PBX1: variants seen among roughly 807,000 people sequenced by gnomAD.
PBX1 encodes pre-B-cell leukemia transcription factor 1.
A neutral mutation model predicts 53.4 loss-of-function variants in PBX1; 6 were observed. That is an observed-to-expected ratio of 0.11 (90% confidence interval 0.06 to 0.22). PBX1 has a LOEUF of 0.22. Among genes scored for constraint, PBX1 ranks in the 10% least tolerant of loss-of-function variants. The pLI is 1.00. For missense variants in PBX1, 251 were observed against 551.4 expected (o/e 0.46, Z 5.46); for synonymous variants, 204 against 212.3 (o/e 0.96, Z 0.34).
At chr1:164,755,854 GGCTCCTGATAA>G (rs1470061296) in intron 2 of PBX1, among the ~76,000 whole-genome samples, 1 of 151,948 alleles carries the variant, frequency 6.6e-6, no homozygotes, top group Non-Finnish European at 1.5e-5. Flanking sequence ...GTAACTCCCT[GGCTCCTGATAA>G]GCTGCCAACA....
intron 2 of PBX1, among the ~76,000 whole-genome samples, chr1:164,676,834 A>G (rs1038412371): frequency 6.6e-6 from 1 of 152,184 alleles, no homozygotes; most frequent in Non-Finnish European, 1.5e-5. Context: ...TCTGCTTTTA[A>G]ATGAATGTGC....
At chr1:164,586,435 G>A (rs1040367668) in intron 2 of PBX1, among the ~76,000 whole-genome samples, 3 of 152,270 alleles carry the variant, frequency 2.0e-5, no homozygotes, top group Non-Finnish European at 2.9e-5. Context: ...ATGTGGAGCA[G>A]CATTATGATG....
At chr1:164,626,046 C>A (rs556891702) in intron 2 of PBX1, 11 of 1,038,744 alleles carry the variant, frequency 1.1e-5, no homozygotes, top group African/African-American at 8.4e-5. Flanking sequence ...AACCCCGTTA[C>A]CCCCCAGCCC....
rs1652877954 is a variant in PBX1, at chr1:164,559,680, T to C, written c.-143T>C. 5.3e-6 allele frequency: 3 copies of C among 569,028 alleles called. No individual in the cohort carries two copies. The highest frequency in any genetic ancestry group is 8.7e-6 in the Non-Finnish European group (3 of 343,998). 35.2% of individuals were successfully genotyped at this position (569,028 alleles called of 1,614,324 possible). ...AGAGGCAAAGGGATTTTTTTTTTCTTTTGGTCTTCTTTTTTCCCCCTTCCC... is the reference window on the plus strand; with the variant it reads ...AGAGGCAAAGGGATTTTTTTTTTCTCTTGGTCTTCTTTTTTCCCCCTTCCC... On this transcript the variant is annotated 5_prime_UTR_variant, in exon 1 of 9. Coordinates refer to ENST00000420696, the MANE Select transcript of PBX1 (RefSeq NM_002585.4).
intron 2 of PBX1, among the ~76,000 whole-genome samples, chr1:164,623,143 C>T (rs192190026): frequency 5.9e-5 from 9 of 152,252 alleles, no homozygotes; most frequent in African/African-American, 2.2e-4. Flanking sequence ...GCTTTCCTTC[C>T]TTCTCTCTTC....
At chr1:164,574,481 C>T (rs1321060315) in intron 2 of PBX1, among the ~76,000 whole-genome samples, 1 of 152,172 alleles carries the variant, frequency 6.6e-6, no homozygotes, top group African/African-American at 2.4e-5. Flanking sequence ...CCTGCCAAAG[C>T]TTAGATTCCT....
At chr1:164,692,172 G>A (rs528238705) in intron 2 of PBX1, among the ~76,000 whole-genome samples, 5 of 152,328 alleles carry the variant, frequency 3.3e-5, no homozygotes, top group South Asian at 2.1e-4. Context: ...GAAATACAAA[G>A]TGTACGTAGA....
chr1:164,687,014 C>T (rs4657369), intron 2 of PBX1, among the ~76,000 whole-genome samples: 1 of 151,890 alleles, frequency 6.6e-6, no homozygotes, highest in African/African-American at 2.4e-5. Context: ...ATGCATTGAC[C>T]TTTCGTAATT....
At chr1:164,747,988 C>T (rs920268385) in intron 2 of PBX1, among the ~76,000 whole-genome samples, 3 of 152,040 alleles carry the variant, frequency 2.0e-5, no homozygotes, top group African/African-American at 7.3e-5. Flanking sequence ...CCAAGCAGTT[C>T]ATGAAAAGAG....
At chr1:164,602,806 G>T (rs1557885051) in intron 2 of PBX1, among the ~76,000 whole-genome samples, 2 of 152,034 alleles carry the variant, frequency 1.3e-5, no homozygotes, top group African/African-American at 4.8e-5. Flanking sequence ...ATTTCTCTTA[G>T]ATTTCTTTCT....
At chr1:164,707,041 A>G (rs972180567) in intron 2 of PBX1, among the ~76,000 whole-genome samples, 2 of 152,146 alleles carry the variant, frequency 1.3e-5, no homozygotes, top group African/African-American at 4.8e-5. Context: ...GTTGAAAGGG[A>G]CTGTGGGCTC....
intron 8 of PBX1, among the ~76,000 whole-genome samples, chr1:164,833,860 T>A (rs956628493): frequency 6.6e-6 from 1 of 151,960 alleles, no homozygotes. Flanking sequence ...ATCCAGAGAA[T>A]TTCTTCCACA....
At chr1:164,755,097 C>A (rs2102205421) in intron 2 of PBX1, among the ~76,000 whole-genome samples, 1 of 152,328 alleles carries the variant, frequency 6.6e-6, no homozygotes, top group Non-Finnish European at 1.5e-5. Context: ...GCTTCTCCAG[C>A]TACCCTAGAA....
Position 164,821,574 on chromosome 1 carries a change from G to T in PBX1, c.1148G>T (p.Gly383Val). 2.5e-6 allele frequency: 4 copies of T among 1,614,084 alleles called. No homozygotes were observed. Among genetic ancestry groups the T allele is most frequent in the Non-Finnish European group, 2.5e-6 (3 of 1,179,994 alleles). Residue 383 changes from glycine to valine, a missense_variant, in exon 8 of 9, where the codon GGA becomes GTA. By Grantham distance (109) the Gly-to-Val change is moderately radical (BLOSUM62 -3). This residue lies in a region of PBX1 where 92 missense variants were observed against 130.4 expected (regional missense o/e 0.71). Coordinates refer to ENST00000420696, the MANE Select transcript of PBX1 (RefSeq NM_002585.4). ...CGCCATGTTATCAGCCAGACAGGAG[G>T]ATACAGTGATGGACTCGCAGCCAGT... Reference protein sequence around the residue: ...TLRHVISQTGGYSDGLAASQM... With the variant: ...TLRHVISQTGVYSDGLAASQM...
chr1:164,734,732 C>T (rs12075411), intron 2 of PBX1, among the ~76,000 whole-genome samples: 6 of 151,858 alleles, frequency 4.0e-5, no homozygotes, highest in Admixed American at 3.3e-4. Context: ...TTTCTCTTGT[C>T]GTTATATTTA....
chr1:164,773,829 T>C (rs754762176), intron 2 of PBX1, among the ~76,000 whole-genome samples: 5 of 152,150 alleles, frequency 3.3e-5, no homozygotes, highest in Non-Finnish European at 7.4e-5. Flanking sequence ...AAGAGTTAGC[T>C]GGGGAGAGAT....
rs1305896320 is a variant in PBX1 at position 164,850,341 on chromosome 1, A to T, written c.*3665A>T. The stretch of plus-strand genomic sequence containing the variant: ...GTGACAGTAATTCATTTTGTAAACT[A>T]AAAAAAAAAAAAAAAAGGTTGGAAT... On this transcript the variant is annotated 3_prime_UTR_variant, in exon 9 of 9. Transcript: ENST00000420696. 2.0e-4 allele frequency: 23 copies of T among 116,036 alleles called. No homozygotes were observed. The highest frequency in any genetic ancestry group is 4.0e-3 in the Middle Eastern group (1 of 250). The allele number at this position is 116,036 out of a possible 1,614,324, so 7.2% of individuals were successfully genotyped here. A position where few individuals can be genotyped will look rare whatever the true frequency, so the allele number is the denominator to read the frequency against.
At chr1:164,870,266 C>CTTCCTTCCTTCCCTCT (rs71097553) in intron 2 of PBX1, among the ~76,000 whole-genome samples, 1 of 45,168 alleles carries the variant, frequency 2.2e-5, no homozygotes, top group African/African-American at 7.1e-5. Flanking sequence ...TCCTTCCTTC[C>CTTCCTTCCTTCCCTCT]TTCTTTCTTT....
intron 2 of PBX1, among the ~76,000 whole-genome samples, chr1:164,575,448 G>GAAT (rs1329896138): frequency 6.6e-6 from 1 of 152,190 alleles, no homozygotes; most frequent in Non-Finnish European, 1.5e-5. Context: ...TAGGTCAGAG[G>GAAT]AATACATTTA....
Sources: gnomAD v4.1 joint callset for allele counts (sites outside exome capture counted in the v4.1 genomes callset) on GRCh38, gnomAD v4.1.1 for gene constraint, gnomAD v4.1.1 regional missense constraint, MANE v1.5 for transcripts, NCBI Gene and HGNC (gene_info 2026-07-23, HGNC 2026-07-21) for gene names.